The following ZFYVE9 variants were observed in gnomAD, a reference collection of about 807,000 sequenced individuals.
ZFYVE9 encodes the protein zinc finger FYVE-type containing 9, also known as zinc finger FYVE domain-containing protein 9.
ZFYVE9 carries 43 observed loss-of-function variants against 126.7 expected under a neutral mutation model. The ratio of observed to expected loss-of-function variants is 0.34; its 90% CI spans 0.27 to 0.44. The LOEUF is 0.44. Ranked by LOEUF, ZFYVE9 falls within the 20% of genes least tolerant of loss-of-function variation. The pLI is 1.00. For missense variants in ZFYVE9, 1,476 were observed against 1,697.0 expected (o/e 0.87, Z 2.29); for synonymous variants, 521 against 597.4 (o/e 0.87, Z 1.87).
intron 13 of ZFYVE9, among the ~76,000 whole-genome samples, chr1:52,330,038 A>G (rs1301484743): frequency 6.6e-6 from 1 of 151,938 alleles, no homozygotes; most frequent in Non-Finnish European, 1.5e-5. Context: ...ATAACATAAC[A>G]TAACATAACA....
intron 13 of ZFYVE9, among the ~76,000 whole-genome samples, chr1:52,307,221 G>A (rs1441498647): frequency 2.0e-5 from 3 of 152,110 alleles, no homozygotes; most frequent in Non-Finnish European, 4.4e-5. Flanking sequence ...GGCGCTCATA[G>A]TTATTTCTTT....
At chr1:52,278,670 T>A in intron 9 of ZFYVE9, 56 bp downstream of exon 9, 2 of 1,223,664 alleles carry the variant, frequency 1.6e-6, no homozygotes, top group Non-Finnish European at 2.2e-6. Context: ...TCATAGTACA[T>A]AAAACTTTCA....
intron 13 of ZFYVE9, among the ~76,000 whole-genome samples, chr1:52,331,606 G>A (rs1407669827): frequency 6.6e-6 from 1 of 151,218 alleles, no homozygotes. Context: ...AAAAAAATTA[G>A]CTGGGCGTGG....
intron 1 of ZFYVE9, among the ~76,000 whole-genome samples, chr1:52,179,164 T>C (rs528997239): frequency 6.6e-6 from 1 of 152,286 alleles, no homozygotes; most frequent in African/African-American, 2.4e-5. Flanking sequence ...GGTTCTTAGA[T>C]GTCTGGGTTT....
In ZFYVE9 at chr1:52,253,511, G is replaced by A. The variant is rs1044452751; in HGVS notation, c.2179-10262G>A. The A allele has an allele frequency of 1.2e-5, 8 of 646,750 alleles. No individual in the cohort carries two copies. The African/African-American group carries it at 1.3e-4, about 10-fold the overall frequency. 40.1% of individuals were successfully genotyped at this position (646,750 alleles called of 1,614,324 possible). ...TATTTACACATTTAAAAAGCCACAC[G>A]TGGGTCGCTGGGGAACCCAGGCTGT... On this transcript the variant is annotated intron_variant, in intron 4 of 18. Transcript: ENST00000287727.
At chr1:52,251,065 T>G (rs1645441294) in intron 4 of ZFYVE9, among the ~76,000 whole-genome samples, 1 of 150,538 alleles carries the variant, frequency 6.6e-6, no homozygotes, top group South Asian at 2.1e-4. Context: ...TGTTGTTGTT[T>G]GTTTGTTTTT....
chr1:52,164,076 C>G (rs372373175), intron 1 of ZFYVE9, among the ~76,000 whole-genome samples: 1 of 151,900 alleles, frequency 6.6e-6, no homozygotes, highest in African/African-American at 2.4e-5. Flanking sequence ...CTTGGTCTCC[C>G]CAGTAGCTGG....
chr1:52,237,608 A>T lies in ZFYVE9; in HGVS notation c.191A>T (p.Glu64Val). 1 of 1,614,086 alleles carries T rather than the reference A, an allele frequency of 6.2e-7. No homozygotes were observed. Among genetic ancestry groups the T allele is most frequent in the Non-Finnish European group, 8.5e-7 (1 of 1,179,950 alleles). ...GTGAATGAATCTGCAGTTTCTAATG[A>T]GTCACAACCACAACTGAAAGTCTTC... Reference protein sequence around the residue: ...ASVNESAVSNESQPQLKVFSL... With the variant: ...ASVNESAVSNVSQPQLKVFSL... The change falls in exon 4 of 19, where the codon GAG (glutamate) becomes GTG (valine). Residue 64 changes from glutamate to valine, a missense_variant. Physicochemically the swap from Glu to Val is moderately radical, Grantham distance 121 (BLOSUM62 -2). This residue lies in a region of ZFYVE9 where 807 missense variants were observed against 794.6 expected (regional missense o/e 1.02). Transcript: ENST00000287727.
chr1:52,307,887 G>A (rs1451206844), intron 13 of ZFYVE9, among the ~76,000 whole-genome samples: 2 of 151,912 alleles, frequency 1.3e-5, no homozygotes, highest in Non-Finnish European at 2.9e-5. Context: ...GAGTAGCTGG[G>A]ACTACAGGTG....
chr1:52,283,987 G>A (rs1297024284), intron 10 of ZFYVE9, among the ~76,000 whole-genome samples: 1 of 152,180 alleles, frequency 6.6e-6, no homozygotes, highest in African/African-American at 2.4e-5. Flanking sequence ...TACGAAAGAT[G>A]TGGTGCTTCA....
At chr1:52,181,825 A>G (rs1381716875) in intron 1 of ZFYVE9, among the ~76,000 whole-genome samples, 2 of 148,586 alleles carry the variant, frequency 1.3e-5, no homozygotes, top group African/African-American at 5.0e-5. Context: ...CCGTCTGAGA[A>G]GCGAGGAGCC....
chr1:52,197,711 G>A (rs1346445740), intron 1 of ZFYVE9, among the ~76,000 whole-genome samples: 1 of 152,146 alleles, frequency 6.6e-6, no homozygotes, highest in Non-Finnish European at 1.5e-5. Flanking sequence ...AATGTCAGAT[G>A]AAGTTAGGAC....
In ZFYVE9 at chr1:52,170,868, C is replaced by T. The variant is rs977357792; in HGVS notation, c.-143+28465C>T. Among the ~76,000 whole-genome samples, 13 of 151,884 alleles carry T rather than the reference C, an allele frequency of 8.6e-5. 1 individual carries two copies. The highest frequency in any genetic ancestry group is 2.6e-4 in the Admixed American group (4 of 15,246). On this transcript the variant is annotated intron_variant, in intron 1 of 18. Transcript: ENST00000287727. Reference sequence around the variant, plus strand: ...AACGTTTTAAGGCTTGTTTTGTGACCGAACATATGGTCTCTACTTGAGAAT... The same window carrying T: ...AACGTTTTAAGGCTTGTTTTGTGACTGAACATATGGTCTCTACTTGAGAAT...
chr1:52,314,804 C>A (rs1569738137), intron 13 of ZFYVE9, among the ~76,000 whole-genome samples: 1 of 151,530 alleles, frequency 6.6e-6, no homozygotes, highest in African/African-American at 2.4e-5. Context: ...AGAGTGAGAC[C>A]CGGTCTCAAA....
chr1:52,344,831 T>C lies in ZFYVE9; in HGVS notation c.4003T>C (p.Leu1335=). 4 of 1,614,208 alleles carry C rather than the reference T, an allele frequency of 2.5e-6. No homozygotes were observed. The highest frequency in any genetic ancestry group is 3.4e-6 in the Non-Finnish European group (4 of 1,180,036). Residue 1335 remains leucine (L), a synonymous_variant, in exon 18 of 19, where the codon TTG becomes CTG. Coordinates refer to ENST00000287727, the MANE Select transcript of ZFYVE9 (RefSeq NM_004799.4). ...CAGTGATCCTGCAGATCACAGTAGA[T>C]TGACTGAGCATGTTGCCAAAGCTTT... ...CLSDPADHSR[L]TEHVAKAFCL... is the part of the protein sequence containing the mutation.
At chr1:52,255,948 CTTTTCTTTTCTTTT>C (rs1645508181) in intron 4 of ZFYVE9, among the ~76,000 whole-genome samples, 1 of 113,642 alleles carries the variant, frequency 8.8e-6, no homozygotes, top group African/African-American at 4.5e-5. Flanking sequence ...CTTTTCTTTT[CTTTTCTTTTCTTTT>C]CTTTTCTTTC....
At chr1:52,215,367 C>G (rs1645062764) in intron 1 of ZFYVE9, among the ~76,000 whole-genome samples, 2 of 152,070 alleles carry the variant, frequency 1.3e-5, no homozygotes, top group South Asian at 4.1e-4. Context: ...AAATCTTTTA[C>G]CAGTGATTTT....
At chr1:52,173,095 T>G (rs1316689577) in intron 1 of ZFYVE9, among the ~76,000 whole-genome samples, 1 of 151,844 alleles carries the variant, frequency 6.6e-6, no homozygotes, top group Non-Finnish European at 1.5e-5. Flanking sequence ...TCAAAGGGAA[T>G]GCTTCCAGTT....
chr1:52,262,250 C>T (rs931713861), intron 4 of ZFYVE9, among the ~76,000 whole-genome samples: 2 of 152,182 alleles, frequency 1.3e-5, no homozygotes, highest in Non-Finnish European at 2.9e-5. Flanking sequence ...CCCATATGCC[C>T]CACTACCTAA....
Sources: allele counts gnomAD v4.1 joint callset (sites outside exome capture counted in the v4.1 genomes callset), GRCh38; gene constraint gnomAD v4.1.1; regional missense constraint gnomAD v4.1.1; transcripts MANE v1.5; gene names NCBI Gene and HGNC (gene_info 2026-07-23, HGNC 2026-07-21).